The following FCRL3 variants were observed in gnomAD, a reference collection of about 807,000 sequenced individuals.
The protein encoded by FCRL3 is Fc receptor like 3, also known as Fc receptor-like protein 3.
Under a neutral mutation model 75.0 loss-of-function variants are expected in FCRL3, and 89 were observed. That is an observed-to-expected ratio of 1.19 (90% CI 1.00 to 1.42). The LOEUF is 1.42. Among genes scored for constraint, FCRL3 ranks in the 40% most tolerant of loss-of-function variants. FCRL3 has a pLI of 0.00. For synonymous variants in FCRL3, 376 were observed against 348.5 expected, an observed-to-expected ratio of 1.08 and a Z score of -0.88; for missense variants, 946 against 880.0, an observed-to-expected ratio of 1.07 and a Z score of -0.95.
Position 157,698,643 on chromosome 1 carries a change from A to G in FCRL3, c.53-14T>C, listed in dbSNP as rs1557835281. The G allele has an allele frequency of 6.2e-7, 1 of 1,613,538 alleles. No homozygotes were observed. The highest frequency in any genetic ancestry group is 8.5e-7 in the Non-Finnish European group (1 of 1,179,510). ...TTGGGGCCACCCCTAAACAGGAAAT[A>G]GAAAGATGAAGGCAGGGGAAGGTCA... On this transcript the variant is annotated splice_polypyrimidine_tract_variant and intron_variant, in intron 3 of 14. Coordinates refer to ENST00000368184, the MANE Select transcript of FCRL3 (RefSeq NM_052939.4).
At position 157,676,807 on chromosome 1, in the gene FCRL3, C is replaced by T. The variant is rs187653423; in HGVS notation, c.*1903G>A. ...AAACAATGATAAGAGATGACAGGTC[C>T]CTTAGAGAAAGTTCACTATAAGGCA... On this transcript the variant is annotated 3_prime_UTR_variant, in exon 15 of 15. Coordinates refer to ENST00000368184, the MANE Select transcript of FCRL3 (RefSeq NM_052939.4). 222 of 1,549,072 alleles carry T rather than the reference C, an allele frequency of 1.4e-4. 1 individual carries two copies. In the African/African-American group the frequency reaches 2.6e-3, roughly 18 times the overall value.
intron 2 of FCRL3, 73 bp from the exon 3 acceptor site, chr1:157,699,785 T>C: frequency 2.6e-6 from 4 of 1,538,506 alleles, no homozygotes; most frequent in Non-Finnish European, 2.7e-6. Flanking sequence ...CAACCACTTC[T>C]TTTGTTTTTC....
At chr1:157,679,838 A>ATAC in intron 13 of FCRL3, among the ~76,000 whole-genome samples, 1 of 140,368 alleles carries the variant, frequency 7.1e-6, no homozygotes, top group Non-Finnish European at 1.5e-5. Flanking sequence ...CACAAAAAAA[A>ATAC]AAAAAAAAAA....
intron 2 of FCRL3, 30 bp from the exon 3 acceptor site, chr1:157,699,742 C>T: frequency 6.2e-7 from 1 of 1,611,804 alleles, no homozygotes; most frequent in Admixed American, 1.7e-5. Flanking sequence ...GACAATCAGA[C>T]ACTCTCCGAA....
chr1:157,695,305 C>T, intron 8 of FCRL3, 24 bp downstream of exon 8: 1 of 1,600,106 alleles, frequency 6.2e-7, no homozygotes, highest in Non-Finnish European at 8.5e-7. Flanking sequence ...TGGCTGTTAA[C>T]TGCTGTGGGT....
intron 13 of FCRL3, 61 bp from the exon 14 acceptor site, chr1:157,679,034 A>G (rs1654647258): frequency 1.4e-5 from 21 of 1,545,694 alleles, no homozygotes; most frequent in Middle Eastern, 3.4e-4. Flanking sequence ...CCAACTTACA[A>G]CGTACGCACA....
intron 8 of FCRL3, 56 bp from the exon 9 acceptor site, chr1:157,690,589 A>T: frequency 1.3e-6 from 2 of 1,588,000 alleles, no homozygotes; most frequent in Non-Finnish European, 1.7e-6. Flanking sequence ...ATACAAGAGA[A>T]CTTAATAAAG....
intron 11 of FCRL3, among the ~76,000 whole-genome samples, chr1:157,682,680 T>C (rs938081560): frequency 3.9e-5 from 6 of 152,250 alleles, no homozygotes; most frequent in Non-Finnish European, 8.8e-5. Context: ...CAAAGACCTC[T>C]GCATTCTTAC....
rs774045615 is a variant in FCRL3 at position 157,689,917 on chromosome 1, C to T, written c.1691G>A (p.Gly564Glu). 5 of 1,613,960 alleles carry T rather than the reference C, an allele frequency of 3.1e-6. No individual in the cohort carries two copies. Among genetic ancestry groups the T allele is most frequent in the Non-Finnish European group, 4.2e-6 (5 of 1,179,986 alleles). The change falls in exon 10 of 15, where the codon GGA becomes GAA. Residue 564 changes from glycine (G) to glutamate (E), a missense_variant and splice_region_variant. Transcript: ENST00000368184. Reference sequence around the variant, plus strand: ...AAGGCCTGTTCTGTTCCTGGAAGTTCCTGAGTGGAGGGAGCTGTACTTGAG... The same window carrying T: ...AAGGCCTGTTCTGTTCCTGGAAGTTTCTGAGTGGAGGGAGCTGTACTTGAG... ...HSKVVTLNVT[G>E]TSRNRTGLTA...
At chr1:157,689,950 G>A (rs1655410756) in intron 9 of FCRL3, 33 bp from the exon 10 acceptor site, 1 of 1,611,248 alleles carries the variant, frequency 6.2e-7, no homozygotes, top group Non-Finnish European at 8.5e-7. Flanking sequence ...GAGTTTCAGT[G>A]GCACAGGTTT....
chr1:157,695,906 C>CCTCT, intron 7 of FCRL3, 134 bp downstream of exon 7: 1 of 389,444 alleles, frequency 2.6e-6, no homozygotes. Context: ...TCTCTCTCCC[C>CCTCT]CTCTCTCTCT....
At chr1:157,682,784 C>T (rs1423167966) in intron 11 of FCRL3, among the ~76,000 whole-genome samples, 3 of 152,186 alleles carry the variant, frequency 2.0e-5, no homozygotes, top group African/African-American at 7.2e-5. Context: ...CATGCGAGCT[C>T]TTCAAGTAAA....
At position 157,678,174 on chromosome 1, in the gene FCRL3, T is replaced by A. The variant is rs925899582; in HGVS notation, c.*536A>T. On this transcript the variant is annotated 3_prime_UTR_variant, in exon 15 of 15. Coordinates refer to ENST00000368184, the MANE Select transcript of FCRL3 (RefSeq NM_052939.4). ...TTGGTTGGGAATGTCACCCTGTAAG[T>A]ACAAAAATACACTTCAGATAGAGTC... 1.0e-6 allele frequency: 1 copy of A among 986,298 alleles called. No homozygotes were observed. Among genetic ancestry groups the A allele is most frequent in the Non-Finnish European group, 1.2e-6 (1 of 830,686 alleles). 61.1% of individuals were successfully genotyped at this position (986,298 alleles called of 1,614,324 possible).
chr1:157,679,830 CAAAAAAAAAAAAAAAAA>C (rs1166825112), intron 13 of FCRL3, among the ~76,000 whole-genome samples: 10 of 49,904 alleles, frequency 2.0e-4, no homozygotes, highest in Non-Finnish European at 2.3e-4. Flanking sequence ...CCCCATCTCA[CAAAAAAAAAAAAAAAAA>C]AAAAAAAAAA....
intron 13 of FCRL3, among the ~76,000 whole-genome samples, chr1:157,679,800 G>A (rs1415623265): frequency 1.8e-5 from 2 of 112,454 alleles, no homozygotes; most frequent in African/African-American, 3.4e-5. Flanking sequence ...CTGCACTCCA[G>A]CCTGGGCGAC....
At chr1:157,700,015 C>G (rs569015209) in intron 2 of FCRL3, among the ~76,000 whole-genome samples, 1 of 152,272 alleles carries the variant, frequency 6.6e-6, no homozygotes, top group Non-Finnish European at 1.5e-5. Flanking sequence ...CCTTTCGTTC[C>G]TTGGGCTCCT....
rs1288533794 is a variant in FCRL3, at chr1:157,676,933, T to A, written c.*1777A>T. 5.6e-6 allele frequency: 8 copies of A among 1,419,888 alleles called. No homozygotes were observed. The highest frequency in any genetic ancestry group is 7.3e-6 in the Non-Finnish European group (8 of 1,089,044). 88.0% of individuals were successfully genotyped at this position (1,419,888 alleles called of 1,614,324 possible). A position where few individuals can be genotyped will look rare whatever the true frequency, so the allele number is the denominator to read the frequency against. ...GGTTGGTACCCAAAACCGGTTTACATATTTTCACCATAGAGAAAAAAACAG... is the reference window on the plus strand; with the variant it reads ...GGTTGGTACCCAAAACCGGTTTACAAATTTTCACCATAGAGAAAAAAACAG... On this transcript the variant is annotated 3_prime_UTR_variant, in exon 15 of 15. Transcript: ENST00000368184.
At chr1:157,691,676 G>A (rs927676978) in intron 8 of FCRL3, 1 of 152,192 alleles carries the variant, frequency 6.6e-6, no homozygotes, top group African/African-American at 2.4e-5. Flanking sequence ...GATGCAGAGG[G>A]CCTCAGGGGT....
chr1:157,700,468 G>T lies in FCRL3; in HGVS notation c.22C>A (p.Leu8Met), dbSNP rs201961888. 1.9e-6 allele frequency: 3 copies of T among 1,613,112 alleles called. No individual in the cohort carries two copies. ...TAGCCCATCTACTCACTCAGGATCA[G>T]CAGCAGCAGCCACAGAAGCATGGGC... The part of the protein sequence containing the change: MLLWLLL[L>M]ILTPGREQSG... The change falls in exon 2 of 15, where the codon CTG (leucine) becomes ATG (methionine). Residue 8 changes from leucine to methionine, a missense_variant. Coordinates refer to ENST00000368184, the MANE Select transcript of FCRL3 (RefSeq NM_052939.4).
Sources: gnomAD v4.1 joint callset for allele counts (sites outside exome capture counted in the v4.1 genomes callset) on GRCh38, gnomAD v4.1.1 for gene constraint, MANE v1.5 for transcripts, NCBI Gene and HGNC (gene_info 2026-07-23, HGNC 2026-07-21) for gene names.